The following TRIO variants were observed in gnomAD, a reference collection of about 807,000 sequenced individuals.
TRIO encodes trio Rho guanine nucleotide exchange factor.
TRIO carries 58 observed loss-of-function variants against 351.9 expected under a neutral mutation model. The observed-to-expected ratio is 0.16, with a 90% CI of 0.13 to 0.21. The LOEUF (loss-of-function observed/expected upper bound fraction) is 0.21, where lower values mean the gene tolerates loss of function less well. Ranked by LOEUF, TRIO falls within the 10% of genes least tolerant of loss-of-function variation. The pLI is 1.00. For missense variants in TRIO, 3,201 were observed against 4,027.8 expected, an observed-to-expected ratio of 0.79 and a Z score of 5.56; for synonymous variants, 1,758 against 1,595.7, an observed-to-expected ratio of 1.10 and a Z score of -2.42.
rs924498580 is a variant in TRIO, at chr5:14,143,713, C to G, written c.-13C>G. On this transcript the variant is annotated 5_prime_UTR_variant, in exon 1 of 57. Transcript: ENST00000344204. ...GGCCCGAGGCGGGCGCGGCCGCGGG[C>G]GCCGCCGCAGCCATGAGCGGCAGCA... 4.3e-5 allele frequency: 42 copies of G among 974,354 alleles called. No individual in the cohort carries two copies. Among genetic ancestry groups the G allele is most frequent in the Non-Finnish European group, 4.9e-5 (40 of 823,840 alleles). The allele number at this position is 974,354 out of a possible 1,614,324, so 60.4% of individuals were successfully genotyped here. A position where few individuals can be genotyped will look rare whatever the true frequency, so the allele number is the denominator to read the frequency against.
At chr5:14,351,944 C>T (rs1158701183) in intron 11 of TRIO, among the ~76,000 whole-genome samples, 3 of 152,228 alleles carry the variant, frequency 2.0e-5, no homozygotes, top group East Asian at 1.9e-4. Flanking sequence ...TCCTCTGTGG[C>T]GGGGTCTCCC....
chr5:14,252,688 G>T (rs1794812934), intron 1 of TRIO, among the ~76,000 whole-genome samples: 1 of 152,238 alleles, frequency 6.6e-6, no homozygotes, highest in Admixed American at 6.5e-5. Flanking sequence ...GGGGTTACTT[G>T]TATATAAACC....
chr5:14,427,591 G>GGCAGT (rs1269336112), intron 34 of TRIO, among the ~76,000 whole-genome samples: 3 of 152,146 alleles, frequency 2.0e-5, no homozygotes, highest in African/African-American at 7.2e-5. Context: ...GCCCACCCAG[G>GGCAGT]GCAGTTGACA....
intron 33 of TRIO, among the ~76,000 whole-genome samples, chr5:14,410,753 A>G (rs1173419757): frequency 2.6e-5 from 4 of 152,216 alleles, no homozygotes; most frequent in African/African-American, 4.8e-5. Context: ...GATGAGGCAC[A>G]CAAGGTTTAG....
At chr5:14,266,667 A>G (rs1401865512) in intron 1 of TRIO, among the ~76,000 whole-genome samples, 4 of 152,292 alleles carry the variant, frequency 2.6e-5, no homozygotes, top group Non-Finnish European at 4.4e-5. Context: ...AAACATTCCA[A>G]TTTGTTTTAG....
At chr5:14,341,785 AT>A (rs1442616224) in intron 11 of TRIO, among the ~76,000 whole-genome samples, 1 of 152,164 alleles carries the variant, frequency 6.6e-6, no homozygotes, top group Non-Finnish European at 1.5e-5. Flanking sequence ...GTTCCATTGC[AT>A]TGATTTTTGT....
At chr5:14,462,515 C>T (rs1753904158) in intron 35 of TRIO, among the ~76,000 whole-genome samples, 1 of 152,234 alleles carries the variant, frequency 6.6e-6, no homozygotes, top group Admixed American at 6.5e-5. Context: ...TAACAGATCA[C>T]ATTGGCAGTC....
chr5:14,293,349 G>A (rs1737068151), intron 6 of TRIO, among the ~76,000 whole-genome samples: 1 of 152,168 alleles, frequency 6.6e-6, no homozygotes, highest in Non-Finnish European at 1.5e-5. Flanking sequence ...GCAAACAGAC[G>A]AACCAGTGAA....
chr5:14,278,617 CTT>C (rs1735739785), intron 2 of TRIO, among the ~76,000 whole-genome samples: 1 of 152,220 alleles, frequency 6.6e-6, no homozygotes, highest in Non-Finnish European at 1.5e-5. Flanking sequence ...GAGATTGACT[CTT>C]TTGAAAAGCA....
intron 49 of TRIO, among the ~76,000 whole-genome samples, chr5:14,495,742 G>A (rs891747806): frequency 2.0e-5 from 3 of 151,554 alleles, no homozygotes; most frequent in Non-Finnish European, 2.9e-5. Context: ...GCCAAGACGG[G>A]TGGATCACGA....
intron 1 of TRIO, among the ~76,000 whole-genome samples, chr5:14,144,278 C>T (rs980751577): frequency 6.6e-6 from 1 of 152,130 alleles, no homozygotes; most frequent in Non-Finnish European, 1.5e-5. Flanking sequence ...GGCTCTTACC[C>T]CGGAGGCCGA....
At position 14,387,560 on chromosome 5, in the gene TRIO, C is replaced by G. The variant is rs1255328445; in HGVS notation, c.3693C>G (p.Phe1231Leu). Residue 1231 changes from phenylalanine (F) to leucine (L), a missense_variant, in exon 22 of 57, where the codon TTC becomes TTG. Around this residue, in one of 19 missense-constraint regions of TRIO, gnomAD observed 201 missense variants for 266.5 expected, o/e 0.75. Transcript: ENST00000344204. The part of the protein sequence containing the change: ...VTAVDKRYRD[F>L]SLRMEKYRTS... ...CTGTGGATAAGAGGTACAGAGATTT[C>G]TCTCTGCGGATGGAGAAGTACAGGA... 1 of 1,614,096 alleles carries G rather than the reference C, an allele frequency of 6.2e-7. No homozygotes were observed. Among genetic ancestry groups the G allele is most frequent in the Non-Finnish European group, 8.5e-7 (1 of 1,180,024 alleles).
In TRIO at chr5:14,504,472, T is replaced by A. The variant is rs1365755018; in HGVS notation, c.8491T>A (p.Leu2831Met). 6.2e-7 allele frequency: 1 copy of A among 1,614,046 alleles called. No homozygotes were observed. Among genetic ancestry groups the A allele is most frequent in the East Asian group, 2.2e-5 (1 of 44,874 alleles). The change falls in exon 55 of 57, where the codon TTG becomes ATG. Residue 2831 changes from leucine (L) to methionine (M), a missense_variant. By Grantham distance (15) the Leu-to-Met change is conservative. This residue lies in a region of TRIO where 1,089 missense variants were observed against 954.9 expected (regional missense o/e 1.14). Coordinates refer to ENST00000344204, the MANE Select transcript of TRIO (RefSeq NM_007118.4). ...AVATKFVNKK[L>M]MKRDQVTHEL... ...GGCCACTAAGTTTGTGAACAAGAAG[T>A]TGATGAAGCGCGACCAGGTCACCCA...
intron 1 of TRIO, among the ~76,000 whole-genome samples, chr5:14,170,285 A>T (rs1190808918): frequency 6.6e-6 from 1 of 152,206 alleles, no homozygotes; most frequent in Non-Finnish European, 1.5e-5. Flanking sequence ...TAATTAAAAA[A>T]TTCAATGGAG....
At chr5:14,377,925 A>G (rs1745712778) in intron 19 of TRIO, 87 bp from the exon 20 acceptor site, 6 of 1,019,834 alleles carry the variant, frequency 5.9e-6, no homozygotes, top group Non-Finnish European at 8.9e-6. Flanking sequence ...GCATTTGCAT[A>G]AAAGTCTAAA....
At chr5:14,324,190 T>G (rs1229496518) in intron 9 of TRIO, among the ~76,000 whole-genome samples, 1 of 152,182 alleles carries the variant, frequency 6.6e-6, no homozygotes, top group Non-Finnish European at 1.5e-5. Context: ...GAGGAAATCT[T>G]TATTTTGCAA....
chr5:14,147,071 G>A (rs1274012541), intron 1 of TRIO, among the ~76,000 whole-genome samples: 1 of 152,182 alleles, frequency 6.6e-6, no homozygotes, highest in Non-Finnish European at 1.5e-5. Flanking sequence ...GAGATTTTCT[G>A]CAGGTGTTAG....
In TRIO at chr5:14,230,340, T is replaced by TGTGTG. The variant is rs1793327649; in HGVS notation, c.158-40485_158-40484insGTGTG. 1.6e-3 allele frequency among the ~76,000 whole-genome samples: 233 copies of TGTGTG among 149,128 alleles called. 1 individual carries two copies. Among genetic ancestry groups the TGTGTG allele is most frequent in the African/African-American group, 5.6e-3 (222 of 39,898 alleles). Reference sequence around the variant, plus strand: ...GAAATTGGAAAGTCAGGCAAGATGTTTGTGTGTGTGTGTGTGTGTGTGTGT... The same window carrying TGTGTG: ...GAAATTGGAAAGTCAGGCAAGATGTTGTGTGTGTGTGTGTGTGTGTGTGTGTGTGT... On this transcript the variant is annotated intron_variant, in intron 1 of 56. Coordinates refer to ENST00000344204, the MANE Select transcript of TRIO (RefSeq NM_007118.4).
intron 8 of TRIO, among the ~76,000 whole-genome samples, chr5:14,314,368 A>T (rs1739194809): frequency 1.3e-5 from 2 of 152,238 alleles, no homozygotes; most frequent in South Asian, 4.1e-4. Context: ...AAAAAATTAG[A>T]TATTCAGATG....
Sources: allele counts gnomAD v4.1 joint callset (sites outside exome capture counted in the v4.1 genomes callset), GRCh38; gene constraint gnomAD v4.1.1; regional missense constraint gnomAD v4.1.1; transcripts MANE v1.5; gene names NCBI Gene and HGNC (gene_info 2026-07-23, HGNC 2026-07-21).